Variants in WASL observed in about 807,000 individuals in gnomAD.
WASL encodes actin nucleation-promoting factor WASL.
Under a neutral mutation model 55.5 loss-of-function variants are expected in WASL, and 20 were observed. That is an observed-to-expected ratio of 0.36 (90% CI 0.25 to 0.52). The LOEUF (loss-of-function observed/expected upper bound fraction) is 0.52, where lower values mean the gene tolerates loss of function less well. Ranked by LOEUF, WASL falls within the 20% of genes least tolerant of loss-of-function variation. The pLI is 0.92. For synonymous variants in WASL, 249 were observed against 217.6 expected (o/e 1.14, Z -1.27); for missense variants, 504 against 622.5 (o/e 0.81, Z 2.03).
chr7:123,718,516 G>T (rs1279586246), intron 1 of WASL, among the ~76,000 whole-genome samples: 1 of 152,132 alleles, frequency 6.6e-6, no homozygotes, highest in African/African-American at 2.4e-5. Flanking sequence ...GAGTGTATCT[G>T]GAAGGAGGAG....
Position 123,748,922 on chromosome 7 carries a change from C to T in WASL, c.-188G>A. 5.3e-6 allele frequency: 3 copies of T among 570,176 alleles called. No homozygotes were observed. Among genetic ancestry groups the T allele is most frequent in the Non-Finnish European group, 9.2e-6 (3 of 327,282 alleles). The allele number at this position is 570,176 out of a possible 1,614,324, so 35.3% of individuals were successfully genotyped here. A position where few individuals can be genotyped will look rare whatever the true frequency, so the allele number is the denominator to read the frequency against. ...CGCTGACGGCGAGCCACCTTCGCGC[C>T]GCGCTGAGAAAGGGAAGCTCCCGGC... is the stretch of plus-strand genomic sequence containing the variant. On this transcript the variant is annotated 5_prime_UTR_variant, in exon 1 of 11. Coordinates refer to ENST00000223023, the MANE Select transcript of WASL (RefSeq NM_003941.4).
At chr7:123,730,035 A>G (rs2116814533) in intron 1 of WASL, among the ~76,000 whole-genome samples, 1 of 152,284 alleles carries the variant, frequency 6.6e-6, no homozygotes, top group Admixed American at 6.5e-5. Flanking sequence ...GCAAACAAGG[A>G]GAGAGTATAG....
Position 123,692,880 on chromosome 7 carries a change from C to A in WASL, c.827-13G>T, listed in dbSNP as rs985846599. ...GGAGGTGGTGGTGCTGAAATGCAAACAGAAAAAAAGAAGGCATGCTTTTTT... is the reference window on the plus strand; with the variant it reads ...GGAGGTGGTGGTGCTGAAATGCAAAAAGAAAAAAAGAAGGCATGCTTTTTT... On this transcript the variant is annotated splice_polypyrimidine_tract_variant and intron_variant, in intron 8 of 10. Transcript: ENST00000223023. 7 of 1,343,998 alleles carry A rather than the reference C, an allele frequency of 5.2e-6. No homozygotes were observed. The highest frequency in any genetic ancestry group is 2.7e-5 in the South Asian group (1 of 36,610). 83.3% of individuals were successfully genotyped at this position (1,343,998 alleles called of 1,614,324 possible).
chr7:123,742,088 TGAAA>T (rs1352779788), intron 1 of WASL, among the ~76,000 whole-genome samples: 1 of 152,184 alleles, frequency 6.6e-6, no homozygotes, highest in African/African-American at 2.4e-5. Context: ...CAGAACTTGG[TGAAA>T]GAGACACTGT....
At chr7:123,720,624 A>G (rs564407456) in intron 1 of WASL, among the ~76,000 whole-genome samples, 87 of 151,846 alleles carry the variant, frequency 5.7e-4, no homozygotes, top group African/African-American at 2.0e-3. Context: ...TAAATGAGAA[A>G]CATCACTTTC....
At chr7:123,694,971 T>C in intron 7 of WASL, 103 bp from the exon 8 acceptor site, 2 of 1,166,766 alleles carry the variant, frequency 1.7e-6, no homozygotes, top group Non-Finnish European at 2.4e-6. Context: ...GCCTAAACTT[T>C]TAACATGCTT....
intron 9 of WASL, among the ~76,000 whole-genome samples, chr7:123,689,634 A>G (rs777043067): frequency 6.6e-6 from 1 of 152,144 alleles, no homozygotes; most frequent in African/African-American, 2.4e-5. Context: ...TTTATGTTAC[A>G]TTTATACCTT....
intron 1 of WASL, among the ~76,000 whole-genome samples, chr7:123,718,188 T>C (rs1803876756): frequency 6.6e-6 from 1 of 152,208 alleles, no homozygotes; most frequent in African/African-American, 2.4e-5. Context: ...TGTGATCTTT[T>C]CTCACACCAA....
At position 123,683,449 on chromosome 7, in the gene WASL, A is replaced by T. The variant is rs1342175535; in HGVS notation, c.*1070T>A. The T allele has an allele frequency of 6.6e-6, 1 of 151,946 alleles. No homozygotes were observed. Among genetic ancestry groups the T allele is most frequent in the Non-Finnish European group, 1.5e-5 (1 of 67,914 alleles). 9.4% of individuals were successfully genotyped at this position (151,946 alleles called of 1,614,324 possible). On this transcript the variant is annotated 3_prime_UTR_variant, in exon 11 of 11. Coordinates refer to ENST00000223023, the MANE Select transcript of WASL (RefSeq NM_003941.4). Reference sequence around the variant, plus strand: ...TGGGACCACCAATCTTTTAAGAAAAATGTAACTCTTCACATGCTATTTGAC... The same window carrying T: ...TGGGACCACCAATCTTTTAAGAAAATTGTAACTCTTCACATGCTATTTGAC...
chr7:123,722,992 G>A (rs979156170), intron 1 of WASL, among the ~76,000 whole-genome samples: 2 of 152,140 alleles, frequency 1.3e-5, no homozygotes, highest in African/African-American at 4.8e-5. Flanking sequence ...TCTGGGAATA[G>A]ATTCCACCAC....
chr7:123,727,908 G>A (rs754157986), intron 1 of WASL, among the ~76,000 whole-genome samples: 37 of 152,118 alleles, frequency 2.4e-4, no homozygotes, highest in African/African-American at 5.6e-4. Flanking sequence ...TATGTTTGAC[G>A]CACTTCATTT....
intron 1 of WASL, among the ~76,000 whole-genome samples, 155 bp downstream of exon 1, chr7:123,748,463 C>A (rs1408384718): frequency 2.0e-5 from 3 of 151,778 alleles, no homozygotes; most frequent in African/African-American, 7.3e-5. Context: ...GGGAGCAGGG[C>A]GAGGGCGCCG....
intron 1 of WASL, among the ~76,000 whole-genome samples, chr7:123,733,913 C>CAAAAAAAAAAAAAAAAAAAAAAAA: frequency 9.0e-6 from 1 of 110,800 alleles, no homozygotes; most frequent in Non-Finnish European, 1.8e-5. Context: ...ATCCACGTGC[C>CAAAAAAAAAAAAAAAAAAAAAAAA]AAAAAAAAAA....
intron 1 of WASL, among the ~76,000 whole-genome samples, chr7:123,736,754 T>A (rs1804239380): frequency 6.6e-6 from 1 of 152,146 alleles, no homozygotes; most frequent in Non-Finnish European, 1.5e-5. Context: ...AAATAATAAA[T>A]AAAAATTCTT....
intron 1 of WASL, among the ~76,000 whole-genome samples, chr7:123,732,966 T>C (rs576799353): frequency 6.6e-6 from 1 of 152,036 alleles, no homozygotes; most frequent in East Asian, 1.9e-4. Flanking sequence ...AGTAAAAGCA[T>C]ACTCATTCAT....
At position 123,706,269 on chromosome 7, in the gene WASL, A is replaced by C; in HGVS notation, c.436+8T>G. On this transcript the variant is annotated splice_region_variant and intron_variant, in intron 4 of 10. Coordinates refer to ENST00000223023, the MANE Select transcript of WASL (RefSeq NM_003941.4). ...CTGGCCTGATTTAAGTAATTAAAAA[A>C]GGGTTACCAGATTTCCTTTGTCGAC... The C allele has an allele frequency of 6.2e-7, 1 of 1,611,654 alleles. No homozygotes were observed.
At chr7:123,740,524 C>G (rs1317525434) in intron 1 of WASL, among the ~76,000 whole-genome samples, 2 of 152,114 alleles carry the variant, frequency 1.3e-5, no homozygotes, top group Non-Finnish European at 2.9e-5. Context: ...TTACTAAATA[C>G]TTAATACAGC....
intron 10 of WASL, among the ~76,000 whole-genome samples, chr7:123,687,890 T>C (rs1803321389): frequency 6.6e-6 from 1 of 152,168 alleles, no homozygotes; most frequent in African/African-American, 2.4e-5. Flanking sequence ...TGGACATCCT[T>C]ACAGAGAAAC....
chr7:123,728,189 A>C (rs1170934169), intron 1 of WASL, among the ~76,000 whole-genome samples: 1 of 152,242 alleles, frequency 6.6e-6, no homozygotes, highest in East Asian at 1.9e-4. Flanking sequence ...ATACAAAAAA[A>C]TAAAAAAACT....
Sources: gnomAD v4.1 joint callset for allele counts (sites outside exome capture counted in the v4.1 genomes callset) on GRCh38, gnomAD v4.1.1 for gene constraint, MANE v1.5 for transcripts, NCBI Gene and HGNC (gene_info 2026-07-23, HGNC 2026-07-21) for gene names.